The following CSMD1 variants were observed in gnomAD, a reference collection of about 807,000 sequenced individuals.
CSMD1 encodes CUB and Sushi multiple domains 1, also known as CUB and sushi domain-containing protein 1.
In CSMD1, 213 loss-of-function variants were observed where a neutral mutation model predicts 417.5. The ratio of observed to expected loss-of-function variants is 0.51; its 90% CI spans 0.46 to 0.57. The LOEUF (loss-of-function observed/expected upper bound fraction) is 0.57. Ranked by LOEUF, CSMD1 falls within the 20% of genes least tolerant of loss-of-function variation. The pLI, the probability that CSMD1 is intolerant of heterozygous loss-of-function variation, is 0.00. For synonymous variants in CSMD1, 2,862 were observed against 1,736.8 expected (o/e 1.65, Z -16.11); for missense variants, 6,923 against 4,529.7 (o/e 1.53, Z -15.17).
chr8:3,027,036 G>T (rs940764065), intron 51 of CSMD1, among the ~76,000 whole-genome samples: 2 of 152,024 alleles, frequency 1.3e-5, no homozygotes, highest in Admixed American at 1.3e-4. Flanking sequence ...CACACACTAC[G>T]ACATCTAAGA....
In CSMD1 at chr8:3,525,987, T is replaced by C. The variant is rs542530224; in HGVS notation, c.1345-32261A>G. Among the ~76,000 whole-genome samples, 125 of 152,202 alleles carry C rather than the reference T, an allele frequency of 8.2e-4. 5 individuals are homozygous for C. The South Asian group carries it at 0.026, about 31-fold the overall frequency. The stretch of plus-strand genomic sequence containing the variant: ...TCAGCTCTGGTAAAATCAGCACCTC[T>C]CTAGGACAAGCAAACATGGGATGGA... On this transcript the variant is annotated intron_variant, in intron 10 of 69. Coordinates refer to ENST00000635120, the MANE Select transcript of CSMD1 (RefSeq NM_033225.6).
At chr8:4,220,198 G>A (rs532663248) in intron 3 of CSMD1, among the ~76,000 whole-genome samples, 2 of 152,188 alleles carry the variant, frequency 1.3e-5, no homozygotes, top group Non-Finnish European at 2.9e-5. Flanking sequence ...TGATGTGCTC[G>A]CCTTCGCCTC....
intron 5 of CSMD1, among the ~76,000 whole-genome samples, chr8:3,990,075 G>A (rs1043095168): frequency 2.6e-5 from 4 of 152,180 alleles, no homozygotes; most frequent in African/African-American, 2.4e-5. Flanking sequence ...AATGGAGTGG[G>A]CGCAATGGCC....
intron 8 of CSMD1, among the ~76,000 whole-genome samples, chr8:3,594,055 G>A (rs1023613947): frequency 6.6e-6 from 1 of 152,180 alleles, no homozygotes; most frequent in Non-Finnish European, 1.5e-5. Flanking sequence ...GAATGAGAGA[G>A]GAAAAACCAA....
intron 23 of CSMD1, among the ~76,000 whole-genome samples, chr8:3,321,093 C>G (rs1394275380): frequency 6.6e-6 from 1 of 152,180 alleles, no homozygotes; most frequent in Non-Finnish European, 1.5e-5. Flanking sequence ...CTTCTTTCCA[C>G]TGCTCCTGTC....
chr8:4,232,916 G>T (rs1413647667), intron 3 of CSMD1, among the ~76,000 whole-genome samples: 1 of 152,102 alleles, frequency 6.6e-6, no homozygotes, highest in Non-Finnish European at 1.5e-5. Flanking sequence ...AAATTCACAA[G>T]AATTCTTTGT....
chr8:3,179,903 G>T (rs1019966781), intron 37 of CSMD1, among the ~76,000 whole-genome samples: 1 of 152,138 alleles, frequency 6.6e-6, no homozygotes, highest in Non-Finnish European at 1.5e-5. Flanking sequence ...ATAATAAGCA[G>T]GAAAATTTAA....
At chr8:3,158,078 T>G in intron 38 of CSMD1, 112 bp from the exon 39 acceptor site, 1 of 893,446 alleles carries the variant, frequency 1.1e-6, no homozygotes, top group Non-Finnish European at 1.7e-6. Flanking sequence ...TATAAATATT[T>G]GAAAATTCAA....
At chr8:4,702,736 C>G (rs1807658417) in intron 1 of CSMD1, among the ~76,000 whole-genome samples, 1 of 152,162 alleles carries the variant, frequency 6.6e-6, no homozygotes, top group East Asian at 1.9e-4. Context: ...AGTTTCTTGT[C>G]TATTCTGTGG....
At chr8:3,028,111 A>T (rs1810080467) in intron 51 of CSMD1, among the ~76,000 whole-genome samples, 1 of 152,218 alleles carries the variant, frequency 6.6e-6, no homozygotes, top group Non-Finnish European at 1.5e-5. Context: ...CAGCCGCAGA[A>T]GCCCTGTGTA....
intron 2 of CSMD1, among the ~76,000 whole-genome samples, chr8:4,507,965 A>G (rs1027543940): frequency 5.9e-5 from 9 of 152,086 alleles, no homozygotes; most frequent in Admixed American, 5.9e-4. Context: ...CTCATAGTAG[A>G]GACAAGTGTG....
At chr8:3,488,324 T>C (rs1818176490) in intron 11 of CSMD1, among the ~76,000 whole-genome samples, 1 of 152,054 alleles carries the variant, frequency 6.6e-6, no homozygotes, top group African/African-American at 2.4e-5. Context: ...CCCAGGTTGG[T>C]CTCAAACTTT....
At chr8:4,422,784 C>G (rs536119143) in intron 2 of CSMD1, among the ~76,000 whole-genome samples, 2 of 151,944 alleles carry the variant, frequency 1.3e-5, no homozygotes, top group East Asian at 1.9e-4. Flanking sequence ...AAATCCTTAA[C>G]CAAGTAAGAG....
chr8:3,945,178 C>CAAAAAAAAAAAAAAAAAAAAAAAAA (rs138900503), intron 5 of CSMD1, among the ~76,000 whole-genome samples: 1 of 118,940 alleles, frequency 8.4e-6, no homozygotes, highest in African/African-American at 3.0e-5. Flanking sequence ...ATGAGAAAGA[C>CAAAAAAAAAAAAAAAAAAAAAAAAA]AAAAAAAAAA....
intron 3 of CSMD1, among the ~76,000 whole-genome samples, chr8:4,285,418 C>T (rs745816871): frequency 7.2e-5 from 11 of 152,232 alleles, no homozygotes; most frequent in East Asian, 1.9e-4. Context: ...AACCACATTT[C>T]TCATAAGAAA....
intron 1 of CSMD1, among the ~76,000 whole-genome samples, chr8:4,905,829 A>AAAAAAG (rs1261940397): frequency 7.0e-6 from 1 of 142,472 alleles, no homozygotes; most frequent in African/African-American, 2.9e-5. Context: ...CAAAAAAAAA[A>AAAAAAG]AAAAAGAAAA....
chr8:4,704,591 C>T (rs769519163), intron 1 of CSMD1, among the ~76,000 whole-genome samples: 5 of 152,188 alleles, frequency 3.3e-5, no homozygotes, highest in African/African-American at 9.7e-5. Flanking sequence ...ATAACCACAT[C>T]GATCAACTCT....
chr8:4,337,002 C>T (rs932457171), intron 3 of CSMD1, among the ~76,000 whole-genome samples: 1 of 152,040 alleles, frequency 6.6e-6, no homozygotes, highest in Non-Finnish European at 1.5e-5. Flanking sequence ...GAATGGCTGA[C>T]TGGCCTGCTT....
chr8:4,168,030 G>C (rs1034672441), intron 3 of CSMD1, among the ~76,000 whole-genome samples: 3 of 152,022 alleles, frequency 2.0e-5, no homozygotes, highest in African/African-American at 7.3e-5. Context: ...TCAGGAAGCT[G>C]AGGCCGTAGA....
Sources: allele counts gnomAD v4.1 joint callset (sites outside exome capture counted in the v4.1 genomes callset), GRCh38; gene constraint gnomAD v4.1.1; transcripts MANE v1.5; gene names NCBI Gene and HGNC (gene_info 2026-07-23, HGNC 2026-07-21).